Variants in ARIH2 observed in about 807,000 individuals in gnomAD.
ARIH2 encodes ariadne RBR E3 ubiquitin protein ligase 2.
Under a neutral mutation model 79.8 loss-of-function variants are expected in ARIH2, and 12 were observed. The ratio of observed to expected loss-of-function variants is 0.15; its 90% CI spans 0.10 to 0.24. The LOEUF is 0.24. ARIH2 is among the 10% of genes least tolerant of loss of function. The probability of loss-of-function intolerance (pLI) is 1.00; values close to 1 mark genes in which losing one functional copy is unlikely to be tolerated. For missense variants in ARIH2, 301 were observed against 618.3 expected (o/e 0.49, Z 5.44); for synonymous variants, 224 against 213.9 (o/e 1.05, Z -0.41).
At chr3:48,931,886 G>T (rs1393336239) in intron 3 of ARIH2, among the ~76,000 whole-genome samples, 3 of 152,132 alleles carry the variant, frequency 2.0e-5, no homozygotes, top group Non-Finnish European at 4.4e-5. Flanking sequence ...GTGGGCACCT[G>T]TAGTCCCAGC....
At chr3:48,975,078 CAT>C (rs2092428532) in intron 11 of ARIH2, 99 bp downstream of exon 11, 1 of 1,590,296 alleles carries the variant, frequency 6.3e-7, no homozygotes, top group Non-Finnish European at 8.6e-7. Flanking sequence ...AATGACAAAA[CAT>C]AGAAGAACCT....
intron 11 of ARIH2, 66 bp from the exon 12 acceptor site, chr3:48,979,416 C>G: frequency 1.9e-6 from 3 of 1,560,512 alleles, no homozygotes; most frequent in Non-Finnish European, 2.6e-6. Flanking sequence ...TGTCTCACTC[C>G]TCTGCCTATG....
intron 1 of ARIH2, chr3:48,919,373 C>G (rs574964949): frequency 6.3e-6 from 3 of 476,370 alleles, no homozygotes; most frequent in African/African-American, 4.0e-5. Context: ...CGGTTTAACG[C>G]CCGCCTGTGG....
At chr3:48,980,143 G>A in intron 12 of ARIH2, 1 of 439,020 alleles carries the variant, frequency 2.3e-6, no homozygotes, top group Non-Finnish European at 4.0e-6. Context: ...TGTTGCCCCA[G>A]AAGGGTAGAG....
intron 6 of ARIH2, among the ~76,000 whole-genome samples, chr3:48,967,728 C>G (rs2091895535): frequency 1.3e-5 from 2 of 152,174 alleles, no homozygotes; most frequent in African/African-American, 4.8e-5. Flanking sequence ...CAAAGTCCCA[C>G]AATTGGTGAT....
chr3:48,941,770 T>A (rs987022344), intron 3 of ARIH2, among the ~76,000 whole-genome samples: 5 of 151,362 alleles, frequency 3.3e-5, no homozygotes, highest in Admixed American at 6.6e-5. Context: ...TTTTTTGTAT[T>A]TTTAGTAGAG....
chr3:48,930,573 C>T (rs1045611653), intron 3 of ARIH2, among the ~76,000 whole-genome samples: 2 of 152,198 alleles, frequency 1.3e-5, no homozygotes, highest in Admixed American at 6.5e-5. Flanking sequence ...CTTCCCACCT[C>T]AGCCTCCCAA....
intron 5 of ARIH2, among the ~76,000 whole-genome samples, chr3:48,966,042 A>G (rs917838790): frequency 3.3e-5 from 5 of 152,196 alleles, no homozygotes; most frequent in Non-Finnish European, 7.3e-5. Flanking sequence ...TTATATCTAT[A>G]AACTTTTACA....
At chr3:48,959,184 T>A (rs772594057) in intron 3 of ARIH2, among the ~76,000 whole-genome samples, 12 of 149,852 alleles carry the variant, frequency 8.0e-5, no homozygotes, top group Non-Finnish European at 1.5e-4. Context: ...GGTGTGGTGG[T>A]GGGCGCCTGT....
intron 3 of ARIH2, among the ~76,000 whole-genome samples, chr3:48,933,388 C>T (rs911158416): frequency 1.3e-5 from 2 of 151,166 alleles, no homozygotes; most frequent in African/African-American, 4.9e-5. Flanking sequence ...GTCTCAAACT[C>T]CAGAGTTCAG....
chr3:48,930,988 T>C (rs934497049), intron 3 of ARIH2, among the ~76,000 whole-genome samples: 1 of 152,230 alleles, frequency 6.6e-6, no homozygotes, highest in Non-Finnish European at 1.5e-5. Flanking sequence ...CTCATTTTGT[T>C]GTGTCCAGGC....
In ARIH2 at chr3:48,928,232, C is replaced by T. The variant is rs1353740673; in HGVS notation, c.255+419C>T. ...GAGTATACAGATCCCTCTGGTTTGC[C>T]CTGAATAGTCATTGCCTTTGGGCTA... On this transcript the variant is annotated intron_variant, in intron 3 of 15. Coordinates refer to ENST00000356401, the MANE Select transcript of ARIH2 (RefSeq NM_006321.4). Among the ~76,000 whole-genome samples the T allele has an allele frequency of 5.3e-5, 8 of 152,120 alleles. No individual in the cohort carries two copies. In the South Asian group the frequency reaches 1.7e-3, roughly 31 times the overall value.
At chr3:48,950,278 TG>T (rs892096346) in intron 3 of ARIH2, among the ~76,000 whole-genome samples, 1 of 152,192 alleles carries the variant, frequency 6.6e-6, no homozygotes, top group African/African-American at 2.4e-5. Flanking sequence ...TTTGTTCTAT[TG>T]ATCTATAGGT....
At chr3:48,940,668 G>A (rs1408543363) in intron 3 of ARIH2, among the ~76,000 whole-genome samples, 1 of 151,076 alleles carries the variant, frequency 6.6e-6, no homozygotes, top group Non-Finnish European at 1.5e-5. Flanking sequence ...GGTGGCGCGT[G>A]CCTGTAATCC....
chr3:48,964,581 C>T (rs2091595408), intron 4 of ARIH2, among the ~76,000 whole-genome samples: 1 of 152,142 alleles, frequency 6.6e-6, no homozygotes, highest in Non-Finnish European at 1.5e-5. Flanking sequence ...TCCCAAAGTG[C>T]TGGGATTGCA....
At chr3:48,973,868 G>A (rs1576510606) in intron 9 of ARIH2, 52 bp downstream of exon 9, 1 of 1,368,510 alleles carries the variant, frequency 7.3e-7, no homozygotes, top group Non-Finnish European at 1.0e-6. Flanking sequence ...GTGCTGCCCA[G>A]GGCCTTGCCT....
chr3:48,976,270 A>G (rs1490011410), intron 11 of ARIH2, among the ~76,000 whole-genome samples: 9 of 147,044 alleles, frequency 6.1e-5, no homozygotes, highest in African/African-American at 1.5e-4. Flanking sequence ...CTGGAATGCA[A>G]TGGTGTGATC....
At chr3:48,973,352 T>C (rs951998643) in intron 8 of ARIH2, among the ~76,000 whole-genome samples, 12 of 151,946 alleles carry the variant, frequency 7.9e-5, no homozygotes, top group Middle Eastern at 3.4e-3. Flanking sequence ...CCGAGGTGGG[T>C]GGATCACGAG....
intron 11 of ARIH2, among the ~76,000 whole-genome samples, chr3:48,978,465 G>GTATA (rs1232911399): frequency 1.7e-4 from 13 of 75,472 alleles, no homozygotes; most frequent in African/African-American, 6.1e-4. Context: ...GTGTGTGTGT[G>GTATA]TATATATATA....
Sources: allele counts gnomAD v4.1 joint callset (sites outside exome capture counted in the v4.1 genomes callset), GRCh38; gene constraint gnomAD v4.1.1; transcripts MANE v1.5; gene names NCBI Gene and HGNC (gene_info 2026-07-23, HGNC 2026-07-21).